The following ATPAF2 variants were observed in gnomAD, a reference collection of about 807,000 sequenced individuals.
ATPAF2 encodes the protein ATP synthase mitochondrial F1 complex assembly factor 2, also known as ATP12 homolog.
Under a neutral mutation model 36.6 loss-of-function variants are expected in ATPAF2, and 30 were observed. The ratio of observed to expected loss-of-function variants is 0.82; its 90% CI spans 0.61 to 1.11. The LOEUF is 1.11. Ranked by LOEUF, ATPAF2 falls within the 50% of genes most tolerant of loss-of-function variation. The probability of loss-of-function intolerance (pLI) is 0.00; values close to 1 mark genes in which losing one functional copy is unlikely to be tolerated. For synonymous variants in ATPAF2, 140 were observed against 152.6 expected (o/e 0.92, Z 0.61); for missense variants, 321 against 372.3 (o/e 0.86, Z 1.13).
intron 5 of ATPAF2, among the ~76,000 whole-genome samples, chr17:18,022,348 C>T (rs943343286): frequency 2.6e-5 from 4 of 152,186 alleles, no homozygotes; most frequent in African/African-American, 9.7e-5. Context: ...CTGGCATGAT[C>T]TTGACTCACT....
At chr17:18,024,949 G>A (rs774491387) in intron 4 of ATPAF2, 3 of 528,204 alleles carry the variant, frequency 5.7e-6, no homozygotes, top group Non-Finnish European at 1.0e-5. Context: ...CTGGAGGGGG[G>A]CCCAGCAATC....
chr17:18,031,947 G>C (rs569750893), intron 1 of ATPAF2, among the ~76,000 whole-genome samples: 11 of 152,162 alleles, frequency 7.2e-5, no homozygotes, highest in Non-Finnish European at 1.3e-4. Flanking sequence ...TCTACATGCT[G>C]TCCTGGTCAT....
chr17:18,020,675 T>TA (rs768068781), intron 7 of ATPAF2: 71 of 180,050 alleles, frequency 3.9e-4, no homozygotes, highest in South Asian at 1.0e-3. Context: ...GTTATTATCT[T>TA]ACCTTTTTTT....
chr17:18,024,482 G>A, intron 5 of ATPAF2, 142 bp downstream of exon 5: 1 of 740,670 alleles, frequency 1.4e-6, no homozygotes, highest in Non-Finnish European at 2.4e-6. Context: ...GATCATATGA[G>A]GGGAGCCAAA....
chr17:18,019,813 C>A (rs2044443266), intron 7 of ATPAF2, among the ~76,000 whole-genome samples: 1 of 152,222 alleles, frequency 6.6e-6, no homozygotes, highest in African/African-American at 2.4e-5. Flanking sequence ...GAAGAGTATT[C>A]CATACTTTCA....
At chr17:18,019,207 G>A (rs2044432897) in intron 7 of ATPAF2, among the ~76,000 whole-genome samples, 2 of 124,620 alleles carry the variant, frequency 1.6e-5, no homozygotes, top group Admixed American at 1.5e-4. Flanking sequence ...CACCCCCAGG[G>A]AGCCGGAGCA....
chr17:18,038,814 A>G (rs2145534757), intron 1 of ATPAF2, 67 bp downstream of exon 1: 3 of 1,601,170 alleles, frequency 1.9e-6, no homozygotes, highest in Non-Finnish European at 2.6e-6. Flanking sequence ...CGCTTTGCAC[A>G]GCCGAAGCCC....
At chr17:18,036,962 T>C (rs1180643941) in intron 1 of ATPAF2, among the ~76,000 whole-genome samples, 2 of 152,034 alleles carry the variant, frequency 1.3e-5, no homozygotes, top group South Asian at 2.1e-4. Context: ...TCCCAGCTAC[T>C]TGGGAGGCTG....
downstream of ATPAF2, chr17:18,016,403 A>G: frequency 1.3e-6 from 1 of 784,528 alleles, no homozygotes; most frequent in Non-Finnish European, 2.0e-6. Flanking sequence ...TCCTACCTCA[A>G]ATATACAGAG....
Position 18,028,620 on chromosome 17 carries a change from C to T in ATPAF2, c.173G>A (p.Gly58Asp), listed in dbSNP as rs1306839126. 1.2e-6 allele frequency: 2 copies of T among 1,611,878 alleles called. No homozygotes were observed. Among genetic ancestry groups the T allele is most frequent in the African/African-American group, 1.3e-5 (1 of 74,680 alleles). ...RFYQNVSITQ[G>D]EGGFEINLDH... Reference sequence around the variant, plus strand: ...TCAAAATTTCAGACACTCACCTTCACCCTGTGTGATGCTGACATTCTGATA... The same window carrying T: ...TCAAAATTTCAGACACTCACCTTCATCCTGTGTGATGCTGACATTCTGATA... Residue 58 changes from glycine (G) to aspartate (D), a missense_variant, in exon 2 of 8, where the codon GGT becomes GAT. Around this residue, in one of 3 missense-constraint regions of ATPAF2, gnomAD observed 53 missense variants for 91.6 expected, o/e 0.58. Coordinates refer to ENST00000474627, the MANE Select transcript of ATPAF2 (RefSeq NM_145691.4).
intron 4 of ATPAF2, 43 bp from the exon 5 acceptor site, chr17:18,024,747 A>G (rs569770127): frequency 1.3e-5 from 20 of 1,533,138 alleles, no homozygotes; most frequent in East Asian, 2.2e-5. Context: ...AAAAAGTACA[A>G]TTCCTTCATT....
chr17:18,024,768 A>G (rs1364564865), intron 4 of ATPAF2, 64 bp from the exon 5 acceptor site: 2 of 1,454,400 alleles, frequency 1.4e-6, no homozygotes, highest in East Asian at 2.3e-5. Flanking sequence ...CAGTGATAGA[A>G]AAGGAAAAAC....
At chr17:18,023,721 C>T (rs141477267) in intron 5 of ATPAF2, among the ~76,000 whole-genome samples, 4 of 152,220 alleles carry the variant, frequency 2.6e-5, no homozygotes, top group Non-Finnish European at 5.9e-5. Flanking sequence ...TTGTGAGCAT[C>T]GGGCAGCATG....
At chr17:18,035,002 C>T (rs1007418550) in intron 1 of ATPAF2, among the ~76,000 whole-genome samples, 8 of 152,096 alleles carry the variant, frequency 5.3e-5, no homozygotes, top group South Asian at 2.1e-4. Context: ...TCTGGAAGGC[C>T]GAAGCAGGAG....
intron 7 of ATPAF2, chr17:18,020,624 T>G (rs1034370481): frequency 1.5e-4 from 25 of 163,646 alleles, no homozygotes. Context: ...ATGGATACAA[T>G]GCAGGAACAC....
At chr17:18,032,267 G>A (rs922071214) in intron 1 of ATPAF2, among the ~76,000 whole-genome samples, 21 of 152,384 alleles carry the variant, frequency 1.4e-4, no homozygotes, top group African/African-American at 4.6e-4. Flanking sequence ...ACTCAAGGCA[G>A]GAACTGCCAG....
chr17:18,021,349 C>A, intron 6 of ATPAF2, 111 bp from the exon 7 acceptor site: 1 of 829,304 alleles, frequency 1.2e-6, no homozygotes, highest in Non-Finnish European at 2.0e-6. Context: ...TGCAAAGAGC[C>A]ATCCAGCGAT....
intron 1 of ATPAF2, among the ~76,000 whole-genome samples, chr17:18,030,589 A>T (rs1597674893): frequency 6.6e-6 from 1 of 151,200 alleles, no homozygotes; most frequent in East Asian, 1.9e-4. Context: ...ATTCAGGAGA[A>T]ATTAGTATGT....
intron 5 of ATPAF2, among the ~76,000 whole-genome samples, chr17:18,024,040 C>T (rs556017241): frequency 1.3e-5 from 2 of 152,348 alleles, no homozygotes; most frequent in South Asian, 2.1e-4. Flanking sequence ...CAAGTGCATA[C>T]ATATCGTATA....
Sources: gnomAD v4.1 joint callset for allele counts (sites outside exome capture counted in the v4.1 genomes callset) on GRCh38, gnomAD v4.1.1 for gene constraint, gnomAD v4.1.1 regional missense constraint, MANE v1.5 for transcripts, NCBI Gene and HGNC (gene_info 2026-07-23, HGNC 2026-07-21) for gene names.